COL27A1: variants seen among roughly 807,000 people sequenced by gnomAD.
The protein encoded by COL27A1 is collagen type XXVII alpha 1 chain.
In COL27A1, 106 loss-of-function variants were observed where a neutral mutation model predicts 251.3. That is an observed-to-expected ratio of 0.42 (90% confidence interval 0.36 to 0.50). COL27A1 has a LOEUF of 0.50. COL27A1 is among the 20% of genes least tolerant of loss of function. COL27A1 has a pLI of 0.00. For missense variants in COL27A1, 2,325 were observed against 2,522.8 expected, an observed-to-expected ratio of 0.92 and a Z score of 1.68; for synonymous variants, 1,000 against 986.3, an observed-to-expected ratio of 1.01 and a Z score of -0.26.
intron 32 of COL27A1, among the ~76,000 whole-genome samples, chr9:114,265,857 G>A (rs143826460): frequency 4.6e-5 from 7 of 152,320 alleles, no homozygotes; most frequent in East Asian, 3.9e-4. Context: ...AGTGGAAAGC[G>A]GGACCTCAGA....
chr9:114,288,926 G>T lies in COL27A1; in HGVS notation c.4111G>T (p.Val1371Leu), dbSNP rs749836877. ...CTTTGGCTTCCAGGGACAGGAGGGT[G>T]TGCAAGGCCTCCGTGGAAAGCCAGG... is the stretch of plus-strand genomic sequence containing the variant. ...GDPGYPGQEG[V>L]QGLRGKPGQQ... Residue 1371 changes from valine (V) to leucine (L), a missense_variant, in exon 44 of 61, where the codon GTG becomes TTG. Around this residue, in one of 4 missense-constraint regions of COL27A1, gnomAD observed 662 missense variants for 795.3 expected, o/e 0.83. Coordinates refer to ENST00000356083, the MANE Select transcript of COL27A1 (RefSeq NM_032888.4). 1 of 1,613,698 alleles carries T rather than the reference G, an allele frequency of 6.2e-7. No homozygotes were observed. The highest frequency in any genetic ancestry group is 1.7e-5 in the Admixed American group (1 of 60,028).
At chr9:114,207,160 C>T (rs1394176735) in intron 10 of COL27A1, among the ~76,000 whole-genome samples, 4 of 152,188 alleles carry the variant, frequency 2.6e-5, no homozygotes, top group Non-Finnish European at 4.4e-5. Context: ...ACACAGTCCT[C>T]GGTCAGGACA....
At chr9:114,275,964 C>T (rs925907880) in intron 37 of COL27A1, among the ~76,000 whole-genome samples, 196 bp downstream of exon 37, 1 of 152,248 alleles carries the variant, frequency 6.6e-6, no homozygotes, top group Non-Finnish European at 1.5e-5. Flanking sequence ...ACCTCGGTTA[C>T]TCATCCTCCT....
chr9:114,178,660 G>A (rs1024081330), intron 4 of COL27A1, among the ~76,000 whole-genome samples: 1 of 152,134 alleles, frequency 6.6e-6, no homozygotes, highest in African/African-American at 2.4e-5. Flanking sequence ...GTTTGGCCAG[G>A]AAAACTGCCT....
intron 7 of COL27A1, among the ~76,000 whole-genome samples, chr9:114,199,661 C>G (rs1342639895): frequency 6.6e-6 from 1 of 152,216 alleles, no homozygotes. Flanking sequence ...TGACGCCTCA[C>G]TTCCTGACCA....
intron 29 of COL27A1, 61 bp from the exon 30 acceptor site, chr9:114,264,863 T>A: frequency 6.5e-7 from 1 of 1,547,870 alleles, no homozygotes; most frequent in Non-Finnish European, 8.8e-7. Context: ...GAGGGGTCCC[T>A]TTTTGGGGAA....
chr9:114,309,729 C>T (rs1259726297), intron 60 of COL27A1, among the ~76,000 whole-genome samples: 3 of 152,142 alleles, frequency 2.0e-5, no homozygotes, highest in African/African-American at 7.2e-5. Flanking sequence ...AGATGTTGTA[C>T]TTACTTGCAA....
chr9:114,308,470 A>C (rs896734736), intron 59 of COL27A1, among the ~76,000 whole-genome samples: 5 of 152,208 alleles, frequency 3.3e-5, no homozygotes, highest in African/African-American at 1.2e-4. Flanking sequence ...AATCTCTAGG[A>C]GAGGCAGCCA....
intron 41 of COL27A1, among the ~76,000 whole-genome samples, chr9:114,287,502 C>T (rs1275189782): frequency 2.6e-5 from 4 of 152,122 alleles, no homozygotes; most frequent in Non-Finnish European, 5.9e-5. Context: ...AACTCTGTTC[C>T]GCCCCCCCCA....
At chr9:114,287,573 G>A (rs1045553749) in intron 41 of COL27A1, among the ~76,000 whole-genome samples, 33 of 152,070 alleles carry the variant, frequency 2.2e-4, no homozygotes, top group African/African-American at 7.5e-4. Context: ...TACCGGCTAC[G>A]GCAATTTTAA....
intron 39 of COL27A1, among the ~76,000 whole-genome samples, chr9:114,283,093 AC>A (rs1836028177): frequency 6.6e-6 from 1 of 152,212 alleles, no homozygotes; most frequent in Non-Finnish European, 1.5e-5. Flanking sequence ...GAAGAGGGTG[AC>A]ACAGCAGCTC....
intron 4 of COL27A1, among the ~76,000 whole-genome samples, chr9:114,181,834 C>T (rs148912746): frequency 2.5e-3 from 388 of 152,314 alleles, no homozygotes; most frequent in Non-Finnish European, 4.4e-3. Flanking sequence ...CACTTGGCCA[C>T]AAATCTGCTG....
At chr9:114,205,856 G>A in intron 9 of COL27A1, 44 bp downstream of exon 9, 1 of 1,561,602 alleles carries the variant, frequency 6.4e-7, no homozygotes, top group South Asian at 1.2e-5. Context: ...ATGGTGATGT[G>A]AAGATGGCCA....
chr9:114,197,151 T>C (rs1829199057), intron 7 of COL27A1, among the ~76,000 whole-genome samples: 1 of 152,166 alleles, frequency 6.6e-6, no homozygotes, highest in South Asian at 2.1e-4. Flanking sequence ...GTCTGGTGAA[T>C]CCATCGGCCT....
intron 6 of COL27A1, among the ~76,000 whole-genome samples, chr9:114,194,786 A>C (rs550146367): frequency 6.6e-6 from 1 of 152,302 alleles, no homozygotes; most frequent in South Asian, 2.1e-4. Context: ...CTGCTAGGTG[A>C]CTGTGGGCAT....
intron 14 of COL27A1, among the ~76,000 whole-genome samples, chr9:114,229,359 C>G (rs1208012727): frequency 2.0e-5 from 3 of 152,232 alleles, no homozygotes; most frequent in African/African-American, 7.2e-5. Flanking sequence ...CTGTCTCTCT[C>G]TCTCCTCGGG....
chr9:114,188,220 G>T (rs1254114962), intron 5 of COL27A1, among the ~76,000 whole-genome samples: 1 of 152,224 alleles, frequency 6.6e-6, no homozygotes, highest in African/African-American at 2.4e-5. Context: ...AAATTAAGAG[G>T]CAGAGTATGC....
Position 114,280,209 on chromosome 9 carries a change from AT to A in COL27A1, c.3718-2053del, listed in dbSNP as rs112978442. 5.7e-3 allele frequency among the ~76,000 whole-genome samples: 840 copies of A among 146,886 alleles called. 9 individuals carry two copies. The highest frequency in any genetic ancestry group is 0.016 in the African/African-American group (636 of 40,026). ...ACCTAATTGGGTGTGTCAACTTTTA[AT>A]TTTTTTTTTTTTTTCTTTTGAGACA... On this transcript the variant is annotated intron_variant, in intron 37 of 60. Coordinates refer to ENST00000356083, the MANE Select transcript of COL27A1 (RefSeq NM_032888.4).
chr9:114,243,523 A>G lies in COL27A1; in HGVS notation c.2897A>G (p.Lys966Arg), dbSNP rs773266809. The G allele has an allele frequency of 3.1e-6, 5 of 1,613,802 alleles. No individual in the cohort carries two copies. In the African/African-American group the frequency reaches 6.7e-5, roughly 22 times the overall value. The change falls in exon 23 of 61, where the codon AAG becomes AGG. Residue 966 changes from lysine (K) to arginine (R), a missense_variant. By Grantham distance (26) the Lys-to-Arg change is conservative. This residue lies in a region of COL27A1 where 662 missense variants were observed against 795.3 expected (regional missense o/e 0.83). Transcript: ENST00000356083. Reference sequence around the variant, plus strand: ...CTGTTGCAGGGTCAGCCTGGCAGGAAGGGGTTTCCTGGGAGGCCCGGCCTG... The same window carrying G: ...CTGTTGCAGGGTCAGCCTGGCAGGAGGGGGTTTCCTGGGAGGCCCGGCCTG... ...APGLEGQPGR[K>R]GFPGRPGLDG...
Sources: gnomAD v4.1 joint callset for allele counts (sites outside exome capture counted in the v4.1 genomes callset) on GRCh38, gnomAD v4.1.1 for gene constraint, gnomAD v4.1.1 regional missense constraint, MANE v1.5 for transcripts, NCBI Gene and HGNC (gene_info 2026-07-23, HGNC 2026-07-21) for gene names.